The following DCLK3 variants were observed in gnomAD, a reference collection of about 807,000 sequenced individuals.
DCLK3 encodes doublecortin like kinase 3, also known as serine/threonine-protein kinase DCLK3.
A neutral mutation model predicts 46.4 loss-of-function variants in DCLK3; 30 were observed. That is an observed-to-expected ratio of 0.65 (90% CI 0.48 to 0.88). DCLK3 has a LOEUF of 0.88. Among genes scored for constraint, DCLK3 ranks in the 40% least tolerant of loss-of-function variants. The pLI is 0.00. For synonymous variants in DCLK3, 401 were observed against 339.2 expected (o/e 1.18, Z -2.00); for missense variants, 846 against 907.1 (o/e 0.93, Z 0.87).
In DCLK3 at chr3:36,738,954, G is replaced by A. The variant is rs1478931274; in HGVS notation, c.213C>T (p.Pro71=). 1.5e-5 allele frequency: 6 copies of A among 400,840 alleles called. No individual in the cohort carries two copies. The highest frequency in any genetic ancestry group is 7.1e-5 in the East Asian group (2 of 28,086). 24.8% of individuals were successfully genotyped at this position (400,840 alleles called of 1,614,324 possible). Residue 71 remains proline (P), a synonymous_variant, in exon 2 of 5, where the codon CCC becomes CCT. Transcript: ENST00000636136. ...LEKPFLGPRG[P]VVPLFCPRNG... The stretch of plus-strand genomic sequence containing the variant: ...TCCGAGGGCAGAACAAGGGCACGAC[G>A]GGGCCACGCGGCCCCAGGAATGGTT...
In DCLK3 at chr3:36,737,176, C is replaced by A. The variant is rs1288568291; in HGVS notation, c.1959+32G>T. 6.3e-7 allele frequency: 1 copy of A among 1,589,670 alleles called. No homozygotes were observed. The highest frequency in any genetic ancestry group is 1.4e-5 in the African/African-American group (1 of 73,772). On this transcript the variant is annotated intron_variant, in intron 2 of 4. Transcript: ENST00000636136. This position sits in a 1 kb window ranked among gnomAD's most constrained non-coding sequence, Gnocchi z 4.4. The stretch of plus-strand genomic sequence containing the variant: ...ATTTTATCCCATATTCTAAAAACAC[C>A]CTCTCCCATATCATCAAAAGTCAAG...
At chr3:36,727,856 G>T (rs758189842) in intron 2 of DCLK3, among the ~76,000 whole-genome samples, 34 of 152,104 alleles carry the variant, frequency 2.2e-4, no homozygotes, top group Admixed American at 7.2e-4. Flanking sequence ...AAGTTTTTTG[G>T]CTTATTTTTG....
chr3:36,758,931 T>A (rs1347575046), intron 1 of DCLK3, among the ~76,000 whole-genome samples: 1 of 152,232 alleles, frequency 6.6e-6, no homozygotes, highest in East Asian at 1.9e-4. Flanking sequence ...CAAAAATAAC[T>A]TCATCCAGAA....
rs1360750116 is a variant in DCLK3 at position 36,714,528 on chromosome 3, C to G, written c.*800G>C. The G allele has an allele frequency of 6.6e-6, 1 of 152,200 alleles. No homozygotes were observed. The highest frequency in any genetic ancestry group is 1.5e-5 in the Non-Finnish European group (1 of 68,044). 9.4% of individuals were successfully genotyped at this position (152,200 alleles called of 1,614,324 possible). Reference sequence around the variant, plus strand: ...CCAGTGTAATCCATTTACTGCATTTCTGACATATTAATGTACTAAATGGCT... The same window carrying G: ...CCAGTGTAATCCATTTACTGCATTTGTGACATATTAATGTACTAAATGGCT... On this transcript the variant is annotated 3_prime_UTR_variant, in exon 5 of 5. Transcript: ENST00000636136.
chr3:36,722,769 A>G (rs953756357), intron 2 of DCLK3, among the ~76,000 whole-genome samples: 13 of 152,252 alleles, frequency 8.5e-5, no homozygotes, highest in Admixed American at 7.2e-4. Context: ...CTTCCACCAT[A>G]ATTGTGGGAA....
At chr3:36,751,412 C>G (rs1701440568) in intron 1 of DCLK3, among the ~76,000 whole-genome samples, 1 of 152,202 alleles carries the variant, frequency 6.6e-6, no homozygotes. Flanking sequence ...AATGAGATGA[C>G]AGGCATAAGG....
chr3:36,753,597 C>A (rs1458939158), intron 1 of DCLK3, among the ~76,000 whole-genome samples: 1 of 152,218 alleles, frequency 6.6e-6, no homozygotes, highest in Non-Finnish European at 1.5e-5. Flanking sequence ...TGGAAAAAAG[C>A]AAGTAACTAA....
chr3:36,734,112 G>T (rs989918564), intron 2 of DCLK3, among the ~76,000 whole-genome samples: 1 of 152,222 alleles, frequency 6.6e-6, no homozygotes, highest in Non-Finnish European at 1.5e-5. Flanking sequence ...CTTATGGACA[G>T]CAGTCACCAA....
chr3:36,753,165 T>C (rs7632696), intron 1 of DCLK3, among the ~76,000 whole-genome samples: 21,838 of 152,218 alleles, frequency 0.14, 1,924 homozygotes, highest in Non-Finnish European at 0.2. Context: ...TGGAGACAGC[T>C]AGCTAGCCAG....
intron 1 of DCLK3, among the ~76,000 whole-genome samples, chr3:36,755,403 T>C (rs1312300254): frequency 6.6e-6 from 1 of 152,140 alleles, no homozygotes; most frequent in African/African-American, 2.4e-5. Flanking sequence ...CTACTTTATA[T>C]GAGAATTTAA....
chr3:36,738,184 A>G lies in DCLK3; in HGVS notation c.983T>C (p.Leu328Pro). 6.2e-7 allele frequency: 1 copy of G among 1,613,784 alleles called. No individual in the cohort carries two copies. The highest frequency in any genetic ancestry group is 8.5e-7 in the Non-Finnish European group (1 of 1,179,928). The change falls in exon 2 of 5, where the codon CTG becomes CCG. Residue 328 changes from leucine to proline, a missense_variant. Leu to Pro is a moderately conservative substitution (Grantham distance 98). Coordinates refer to ENST00000636136, the MANE Select transcript of DCLK3 (RefSeq NM_001394672.2). Reference protein sequence around the residue: ...QQSLERERLSLGTSELDMGKG... With the variant: ...QQSLERERLSPGTSELDMGKG... ...CCCCATATCCAGCTCACTGGTCCCC[A>G]GAGAAAGCCTCTCACGCTCCAGGCT...
intron 1 of DCLK3, among the ~76,000 whole-genome samples, chr3:36,757,495 A>AG (rs397690845): frequency 4.6e-5 from 7 of 152,160 alleles, no homozygotes; most frequent in Non-Finnish European, 8.8e-5. Context: ...ACAAAAAAAA[A>AG]GTATGTGCTT....
rs55833576 is a variant in DCLK3 at position 36,730,193 on chromosome 3, T to TACAC, written c.1959+7011_1959+7014dup. Among the ~76,000 whole-genome samples the TACAC allele has an allele frequency of 1.5e-3, 216 of 143,166 alleles. 1 individual carries two copies. Among genetic ancestry groups the TACAC allele is most frequent in the African/African-American group, 3.8e-3 (145 of 37,706 alleles). 93.9% of individuals were successfully genotyped at this position (143,166 alleles called of 152,430 possible). ...AAAATATATGTACATACACCATATATACACACACACACACACACACACACA... is the reference window on the plus strand; with the variant it reads ...AAAATATATGTACATACACCATATATACACACACACACACACACACACACACACA... On this transcript the variant is annotated intron_variant, in intron 2 of 4. Coordinates refer to ENST00000636136, the MANE Select transcript of DCLK3 (RefSeq NM_001394672.2).
intron 1 of DCLK3, among the ~76,000 whole-genome samples, chr3:36,751,421 G>A (rs1181044837): frequency 6.6e-6 from 1 of 152,204 alleles, no homozygotes; most frequent in Non-Finnish European, 1.5e-5. Flanking sequence ...ACAGGCATAA[G>A]GTTGCCCACA....
chr3:36,738,019 A>G lies in DCLK3; in HGVS notation c.1148T>C (p.Leu383Pro). 1.9e-6 allele frequency: 3 copies of G among 1,613,970 alleles called. No individual in the cohort carries two copies. The highest frequency in any genetic ancestry group is 2.5e-6 in the Non-Finnish European group (3 of 1,179,978). ...GTCCATGCTCTTGCTGGGTCTCCTC[A>G]GCTCTTGAGTGGGATTCCTGGGGCT... is the stretch of plus-strand genomic sequence containing the variant. The part of the protein sequence containing the change: ...RSSPRNPTQE[L>P]RRPSKSMDKK... Residue 383 changes from leucine to proline, a missense_variant, in exon 2 of 5, where the codon CTG (leucine) becomes CCG (proline). Physicochemically the swap from Leu to Pro is moderately conservative, Grantham distance 98. Transcript: ENST00000636136.
At position 36,714,515 on chromosome 3, in the gene DCLK3, A is replaced by T. The variant is rs1700950286; in HGVS notation, c.*813T>A. ...GCTCCTTCGAGCCCCAGTGTAATCCATTTACTGCATTTCTGACATATTAAT... is the reference window on the plus strand; with the variant it reads ...GCTCCTTCGAGCCCCAGTGTAATCCTTTTACTGCATTTCTGACATATTAAT... On this transcript the variant is annotated 3_prime_UTR_variant, in exon 5 of 5. Coordinates refer to ENST00000636136, the MANE Select transcript of DCLK3 (RefSeq NM_001394672.2). 6.6e-6 allele frequency: 1 copy of T among 152,164 alleles called. No individual in the cohort carries two copies. The highest frequency in any genetic ancestry group is 2.1e-4 in the South Asian group (1 of 4,826). The allele number at this position is 152,164 out of a possible 1,614,324, so 9.4% of individuals were successfully genotyped here.
At chr3:36,759,930 A>T (rs1701523730) in intron 1 of DCLK3, among the ~76,000 whole-genome samples, 1 of 151,766 alleles carries the variant, frequency 6.6e-6, no homozygotes, top group Non-Finnish European at 1.5e-5. Context: ...ACACCTCCTC[A>T]CCCACTCCCC....
chr3:36,755,073 T>C (rs1228823079), intron 1 of DCLK3, among the ~76,000 whole-genome samples: 3 of 152,118 alleles, frequency 2.0e-5, no homozygotes, highest in African/African-American at 2.4e-5. Flanking sequence ...TGTCAACATA[T>C]AGAAAATTGC....
chr3:36,762,766 C>T (rs1053768252), intron 1 of DCLK3, among the ~76,000 whole-genome samples: 1 of 152,174 alleles, frequency 6.6e-6, no homozygotes. Context: ...GATGGCAAAG[C>T]TCACCATAAA....
Sources: allele counts gnomAD v4.1 joint callset (sites outside exome capture counted in the v4.1 genomes callset), GRCh38; gene constraint gnomAD v4.1.1; non-coding constraint Gnocchi (gnomAD v3.1); transcripts MANE v1.5; gene names NCBI Gene and HGNC (gene_info 2026-07-23, HGNC 2026-07-21).